The following ATP10A variants were observed in gnomAD, a reference collection of about 807,000 sequenced individuals.
ATP10A encodes the protein ATPase phospholipid transporting 10A (putative).
ATP10A carries 111 observed loss-of-function variants against 147.8 expected under a neutral mutation model. That is an observed-to-expected ratio of 0.75 (90% CI 0.64 to 0.88). The LOEUF (loss-of-function observed/expected upper bound fraction) is 0.88, where lower values mean the gene tolerates loss of function less well. Ranked by LOEUF, ATP10A falls within the 40% of genes least tolerant of loss-of-function variation. The probability of loss-of-function intolerance (pLI) is 0.00; values close to 1 mark genes in which losing one functional copy is unlikely to be tolerated. For synonymous variants in ATP10A, 875 were observed against 841.6 expected, an observed-to-expected ratio of 1.04 and a Z score of -0.69; for missense variants, 1,927 against 1,959.0, an observed-to-expected ratio of 0.98 and a Z score of 0.31.
At chr15:25,856,327 C>T (rs1471264981) in intron 1 of ATP10A, among the ~76,000 whole-genome samples, 1 of 152,158 alleles carries the variant, frequency 6.6e-6, no homozygotes, top group African/African-American at 2.4e-5. Context: ...CATTCTCTCT[C>T]CTGCTACCTT....
At chr15:25,855,360 A>G in intron 1 of ATP10A, among the ~76,000 whole-genome samples, 1 of 152,218 alleles carries the variant, frequency 6.6e-6, no homozygotes, top group East Asian at 1.9e-4. Context: ...ATGTCATATT[A>G]ATTGAACTAC....
intron 10 of ATP10A, among the ~76,000 whole-genome samples, chr15:25,712,182 G>A (rs1028021266): frequency 3.3e-5 from 5 of 152,238 alleles, no homozygotes; most frequent in South Asian, 2.1e-4. Flanking sequence ...TTTTGGGGGG[G>A]ACGGGGTGGA....
downstream of ATP10A, chr15:25,677,945 C>T (rs536293839): frequency 4.6e-5 from 7 of 152,318 alleles, no homozygotes; most frequent in Non-Finnish European, 8.8e-5. Context: ...GAGAGAGGGG[C>T]CCTCTGTGTC....
chr15:25,759,797 G>C (rs1212133110), intron 2 of ATP10A, among the ~76,000 whole-genome samples: 1 of 105,766 alleles, frequency 9.5e-6, no homozygotes, highest in East Asian at 2.9e-4. Flanking sequence ...TGGAGACCCT[G>C]TCTCAAAAAA....
At chr15:25,733,363 C>G (rs184714973) in intron 3 of ATP10A, among the ~76,000 whole-genome samples, 2 of 152,184 alleles carry the variant, frequency 1.3e-5, no homozygotes, top group Admixed American at 6.5e-5. Context: ...GGACGGATAG[C>G]GTTACCAGGC....
chr15:25,675,605 G>C (rs927338403), downstream of ATP10A, among the ~76,000 whole-genome samples: 1 of 152,076 alleles, frequency 6.6e-6, no homozygotes, highest in Non-Finnish European at 1.5e-5. Flanking sequence ...CAACCAGGCT[G>C]TCTTCCCCAG....
At chr15:25,837,913 G>A (rs1219667390) in intron 1 of ATP10A, among the ~76,000 whole-genome samples, 1 of 152,188 alleles carries the variant, frequency 6.6e-6, no homozygotes, top group African/African-American at 2.4e-5. Context: ...TTGGAAGGAA[G>A]GTATGCTGGA....
intron 12 of ATP10A, among the ~76,000 whole-genome samples, chr15:25,705,848 T>A (rs1248660183): frequency 6.6e-6 from 1 of 152,210 alleles, no homozygotes; most frequent in Admixed American, 6.5e-5. Flanking sequence ...AATGTATCCA[T>A]GAGCTCTGCC....
Position 25,752,292 on chromosome 15 carries a change from G to T in ATP10A, c.655-16151C>A, listed in dbSNP as rs567145820. On this transcript the variant is annotated intron_variant, in intron 2 of 20. Coordinates refer to ENST00000555815, the MANE Select transcript of ATP10A (RefSeq NM_024490.4). ...AGATGAATGAAGAAAATGTGGTATAGATACACAATGAAATACTATTCAGCT... is the reference window on the plus strand; with the variant it reads ...AGATGAATGAAGAAAATGTGGTATATATACACAATGAAATACTATTCAGCT... Among the ~76,000 whole-genome samples the T allele has an allele frequency of 1.6e-4, 25 of 152,154 alleles. No individual in the cohort carries two copies. In the South Asian group the frequency reaches 3.5e-3, roughly 21 times the overall value.
rs1901847455 is a variant in ATP10A at position 25,716,825 on chromosome 15, G to C, written c.1681C>G (p.Leu561Val). Residue 561 changes from leucine (L) to valine (V), a missense_variant, in exon 9 of 21, where the codon CTC (leucine) becomes GTC (valine). Transcript: ENST00000555815. ...AAGACGTCAGACAGCTCAGGCGAGA[G>C]GTGGGCCAGCAGGTGCTCCTGATGC... ...ARHQEHLLAH[L>V]SPELSDVFDF... 1.2e-6 allele frequency: 2 copies of C among 1,611,078 alleles called. No individual in the cohort carries two copies. Among genetic ancestry groups the C allele is most frequent in the Non-Finnish European group, 1.7e-6 (2 of 1,178,832 alleles).
intron 2 of ATP10A, among the ~76,000 whole-genome samples, chr15:25,768,715 A>G (rs1171101351): frequency 2.5e-5 from 3 of 121,492 alleles, no homozygotes; most frequent in Non-Finnish European, 3.3e-5. Flanking sequence ...TTTTGGTAGC[A>G]ATAGGGTCTC....
At chr15:25,737,479 C>T (rs769420921) in intron 2 of ATP10A, among the ~76,000 whole-genome samples, 6 of 152,172 alleles carry the variant, frequency 3.9e-5, no homozygotes, top group Non-Finnish European at 7.3e-5. Context: ...AACAGTAGGA[C>T]ATTCTGTCTC....
Position 25,718,362 on chromosome 15 carries a change from C to A in ATP10A, c.1401G>T (p.Glu467Asp). 6.2e-7 allele frequency: 1 copy of A among 1,608,330 alleles called. No individual in the cohort carries two copies. Among genetic ancestry groups the A allele is most frequent in the Non-Finnish European group, 8.5e-7 (1 of 1,179,010 alleles). ...CCCCTCTGGGCACCACCTCCTCCTC[C>A]TCCGAGTCTGCCTCTTGGTACCTGG... ...RLARYQEADSEEEEVVPRGGS... is the reference protein window; with the variant it reads ...RLARYQEADSDEEEVVPRGGS... Residue 467 changes from glutamate to aspartate, a missense_variant, in exon 8 of 21, where the codon GAG becomes GAT. Transcript: ENST00000555815.
At chr15:25,811,638 G>A (rs1891437425) in intron 1 of ATP10A, among the ~76,000 whole-genome samples, 3 of 152,152 alleles carry the variant, frequency 2.0e-5, no homozygotes, top group Admixed American at 6.5e-5. Flanking sequence ...TGATCTGAAA[G>A]TTTACAAGAA....
chr15:25,683,059 G>A (rs999640744), intron 17 of ATP10A, among the ~76,000 whole-genome samples: 5 of 152,076 alleles, frequency 3.3e-5, no homozygotes, highest in African/African-American at 1.2e-4. Flanking sequence ...CTTTTCTTGG[G>A]CTCCTGGAGA....
At chr15:25,826,443 TC>T (rs1892116130) in intron 1 of ATP10A, among the ~76,000 whole-genome samples, 1 of 152,046 alleles carries the variant, frequency 6.6e-6, no homozygotes, top group Non-Finnish European at 1.5e-5. Flanking sequence ...GCACCTGTAG[TC>T]CCAGCTACTT....
intron 13 of ATP10A, 126 bp from the exon 14 acceptor site, chr15:25,695,272 A>C: frequency 1.2e-6 from 1 of 834,508 alleles, no homozygotes; most frequent in Non-Finnish European, 1.8e-6. Context: ...GCCTGCCCAG[A>C]GGCCACCCTC....
At position 25,713,844 on chromosome 15, in the gene ATP10A, T is replaced by A; in HGVS notation, c.2174A>T (p.Glu725Val). Residue 725 changes from glutamate (E) to valine (V), a missense_variant, in exon 10 of 21, where the codon GAG becomes GTG. Coordinates refer to ENST00000555815, the MANE Select transcript of ATP10A (RefSeq NM_024490.4). ...GGTGAGCCTGCCCAGGTGGGGCAGC[T>A]CCACTGACACTTGGTCGTGCAGCCG... ...VERLHDQVSV[E>V]LPHLGRLTFE... is the part of the protein sequence containing the mutation. 6.2e-7 allele frequency: 1 copy of A among 1,613,948 alleles called. No individual in the cohort carries two copies. Among genetic ancestry groups the A allele is most frequent in the Non-Finnish European group, 8.5e-7 (1 of 1,180,036 alleles).
chr15:25,694,749 G>A, intron 14 of ATP10A, 70 bp downstream of exon 14: 3 of 1,353,652 alleles, frequency 2.2e-6, no homozygotes, highest in South Asian at 2.8e-5. Flanking sequence ...ATCTCGTGGT[G>A]TAGCATGGAA....
Sources: gnomAD v4.1 joint callset for allele counts (sites outside exome capture counted in the v4.1 genomes callset) on GRCh38, gnomAD v4.1.1 for gene constraint, MANE v1.5 for transcripts, NCBI Gene and HGNC (gene_info 2026-07-23, HGNC 2026-07-21) for gene names.